The following CAGE1 variants were observed in gnomAD, a reference collection of about 807,000 sequenced individuals.
CAGE1 encodes the protein cancer antigen 1.
In CAGE1, 66 loss-of-function variants were observed where a neutral mutation model predicts 94.9. The observed-to-expected ratio is 0.70, with a 90% CI of 0.57 to 0.85. The LOEUF (loss-of-function observed/expected upper bound fraction) is 0.85. Ranked by LOEUF, CAGE1 falls within the 40% of genes least tolerant of loss-of-function variation. CAGE1 has a pLI of 0.00. For synonymous variants in CAGE1, 319 were observed against 321.0 expected (o/e 0.99, Z 0.07); for missense variants, 865 against 950.4 (o/e 0.91, Z 1.18).
At chr6:7,387,959 C>T (rs978542641) in intron 1 of CAGE1, among the ~76,000 whole-genome samples, 3 of 149,644 alleles carry the variant, frequency 2.0e-5, no homozygotes, top group African/African-American at 5.0e-5. Flanking sequence ...GCGTGAACCC[C>T]GGAGGCAGAG....
rs1225636778 is a variant in CAGE1, at chr6:7,341,216, TGATGCCAGA to T, written c.2370-7135_2370-7127del. 23 of 665,654 alleles carry T rather than the reference TGATGCCAGA, an allele frequency of 3.5e-5. No individual in the cohort carries two copies. The East Asian group carries it at 9.2e-4, about 27-fold the overall frequency. 41.2% of individuals were successfully genotyped at this position (665,654 alleles called of 1,614,324 possible). On this transcript the variant is annotated intron_variant, in intron 11 of 13. Coordinates refer to ENST00000502583, the MANE Select transcript of CAGE1 (RefSeq NM_001170692.2). ...AGCAGTTGACACAGCTTGTGCTAGG[TGATGCCAGA>T]GATACTGTGGAGGTAGCCAAAGGTG...
chr6:7,339,147 T>C lies in CAGE1; in HGVS notation c.2370-5057A>G. 1 of 1,537,600 alleles carries C rather than the reference T, an allele frequency of 6.5e-7. No individual in the cohort carries two copies. The highest frequency in any genetic ancestry group is 1.1e-5 in the South Asian group (1 of 89,460). On this transcript the variant is annotated intron_variant, in intron 11 of 13. Coordinates refer to ENST00000502583, the MANE Select transcript of CAGE1 (RefSeq NM_001170692.2). This position sits in a 1 kb window ranked among gnomAD's most constrained non-coding sequence, Gnocchi z 4.7. ...GGATTTAGCTCTCTGTCCTCAGAGT[T>C]TCCCAGACACCACGACCTCACAGCC...
chr6:7,338,661 G>A lies in CAGE1; in HGVS notation c.2370-4571C>T, dbSNP rs187383260. ...CATTTACTTTTACCTGCCATTTTTA[G>A]CAGTATACACTGTACCCAATTTGTA... On this transcript the variant is annotated intron_variant, in intron 11 of 13. Transcript: ENST00000502583. Among the ~76,000 whole-genome samples the A allele has an allele frequency of 3.0e-3, 462 of 152,078 alleles. 1 individual carries two copies. The highest frequency in any genetic ancestry group is 9.7e-3 in the African/African-American group (404 of 41,468).
chr6:7,333,475 G>A (rs915616826), intron 12 of CAGE1, among the ~76,000 whole-genome samples: 1 of 151,958 alleles, frequency 6.6e-6, no homozygotes, highest in East Asian at 1.9e-4. Context: ...CATGAAAGCA[G>A]GGAATCTGGC....
chr6:7,385,446 A>T (rs906793448), intron 3 of CAGE1, among the ~76,000 whole-genome samples: 1 of 152,056 alleles, frequency 6.6e-6, no homozygotes, highest in African/African-American at 2.4e-5. Flanking sequence ...GGTATTATAG[A>T]TATGATCCAC....
intron 3 of CAGE1, among the ~76,000 whole-genome samples, chr6:7,384,997 GTTTT>G (rs1274729608): frequency 6.6e-6 from 1 of 150,458 alleles, no homozygotes; most frequent in East Asian, 2.0e-4. Flanking sequence ...TGTACCTGGT[GTTTT>G]TTGTTTGTTT....
At chr6:7,345,505 C>G (rs1054997228) in intron 11 of CAGE1, among the ~76,000 whole-genome samples, 2 of 152,188 alleles carry the variant, frequency 1.3e-5, no homozygotes. Context: ...TATATTTCAG[C>G]AAGATCACTC....
intron 4 of CAGE1, among the ~76,000 whole-genome samples, chr6:7,374,389 A>G (rs938891247): frequency 6.6e-6 from 1 of 152,208 alleles, no homozygotes; most frequent in Non-Finnish European, 1.5e-5. Flanking sequence ...TATACATCCC[A>G]TTTACTTTGA....
intron 3 of CAGE1, among the ~76,000 whole-genome samples, chr6:7,381,080 G>T (rs1760916288): frequency 6.6e-6 from 1 of 152,108 alleles, no homozygotes; most frequent in African/African-American, 2.4e-5. Context: ...GGTCTTACAG[G>T]TTTCTTTTTC....
intron 11 of CAGE1, among the ~76,000 whole-genome samples, chr6:7,350,518 G>A (rs571295712): frequency 1.5e-4 from 23 of 152,094 alleles, no homozygotes; most frequent in Non-Finnish European, 3.2e-4. Context: ...GCCATAAAAC[G>A]AGCCTCAATA....
chr6:7,343,202 A>AAAAAGAAAG (rs70978958), intron 11 of CAGE1, among the ~76,000 whole-genome samples: 1 of 93,394 alleles, frequency 1.1e-5, no homozygotes, highest in Admixed American at 1.2e-4. Flanking sequence ...AAAAAAAAAA[A>AAAAAGAAAG]GAAAAGAAAA....
At chr6:7,358,196 C>G (rs971035698) in intron 9 of CAGE1, among the ~76,000 whole-genome samples, 3 of 151,312 alleles carry the variant, frequency 2.0e-5, no homozygotes, top group African/African-American at 7.3e-5. Context: ...CCTCCACACT[C>G]TCTGCCAGTC....
rs779176539 is a variant in CAGE1, at chr6:7,378,910, C to T, written c.394G>A (p.Ala132Thr). ...ETVCKFHWVE[A>T]FDDEMTEKPE... ...TTCTCTGTCATTTCATCATCAAATG[C>T]TTCTACCCAGTGAAATTTGCAAACG... is the stretch of plus-strand genomic sequence containing the variant. Residue 132 changes from alanine (A) to threonine (T), a missense_variant, in exon 4 of 14, where the codon GCA becomes ACA. Physicochemically the swap from Ala to Thr is moderately conservative, Grantham distance 58. Coordinates refer to ENST00000502583, the MANE Select transcript of CAGE1 (RefSeq NM_001170692.2). 7.5e-6 allele frequency: 12 copies of T among 1,607,472 alleles called. No homozygotes were observed. Among genetic ancestry groups the T allele is most frequent in the South Asian group, 3.3e-5 (3 of 90,272 alleles).
chr6:7,330,627 A>G (rs1412947361), intron 12 of CAGE1, among the ~76,000 whole-genome samples: 1 of 152,186 alleles, frequency 6.6e-6, no homozygotes, highest in Non-Finnish European at 1.5e-5. Context: ...CATAATTTTG[A>G]GAGGCTGCAG....
intron 11 of CAGE1, among the ~76,000 whole-genome samples, chr6:7,352,547 T>C (rs1759821625): frequency 6.6e-6 from 1 of 152,080 alleles, no homozygotes; most frequent in Non-Finnish European, 1.5e-5. Context: ...AAAACAATTC[T>C]AAAATTCATA....
intron 9 of CAGE1, among the ~76,000 whole-genome samples, chr6:7,364,164 T>C (rs944959499): frequency 4.6e-5 from 7 of 152,202 alleles, no homozygotes; most frequent in Non-Finnish European, 8.8e-5. Flanking sequence ...TTGAGTGCTG[T>C]CCTCTTAGCT....
intron 12 of CAGE1, among the ~76,000 whole-genome samples, chr6:7,333,677 T>TAAA (rs11400589): frequency 7.1e-6 from 1 of 140,348 alleles, no homozygotes; most frequent in Non-Finnish European, 1.5e-5. Context: ...TATATATACA[T>TAAA]TTTTTTTTTG....
intron 3 of CAGE1, among the ~76,000 whole-genome samples, chr6:7,385,215 G>C (rs1342435309): frequency 6.6e-6 from 1 of 151,876 alleles, no homozygotes; most frequent in African/African-American, 2.4e-5. Context: ...ATGTTGGTCA[G>C]GCTGGTCTTG....
chr6:7,328,873 AGTGTGTGTGTGTGTGTGTGT>A lies in CAGE1; in HGVS notation c.2478+956_2478+975del, dbSNP rs545926619. 1.1e-4 allele frequency among the ~76,000 whole-genome samples: 12 copies of A among 105,408 alleles called. No individual in the cohort carries two copies. The South Asian group carries it at 1.1e-3, about 10-fold the overall frequency. The allele number at this position is 105,408 out of a possible 152,430, so 69.2% of individuals were successfully genotyped here. On this transcript the variant is annotated intron_variant, in intron 13 of 13. Transcript: ENST00000502583. ...TGGAAGTACTACTCTGTATCTTATAAGTGTGTGTGTGTGTGTGTGTGTGTGTGTGTGTGTGTGTGTGTGTG... is the reference window on the plus strand; with the variant it reads ...TGGAAGTACTACTCTGTATCTTATAAGTGTGTGTGTGTGTGTGTGTGTGTG...
Sources: allele counts gnomAD v4.1 joint callset (sites outside exome capture counted in the v4.1 genomes callset), GRCh38; gene constraint gnomAD v4.1.1; non-coding constraint Gnocchi (gnomAD v3.1); transcripts MANE v1.5; gene names NCBI Gene and HGNC (gene_info 2026-07-23, HGNC 2026-07-21).